Variants in SCFD2 observed in about 807,000 individuals in gnomAD.
SCFD2 encodes the protein sec1 family domain containing 2.
In SCFD2, 54 loss-of-function variants were observed where a neutral mutation model predicts 58.9. That is an observed-to-expected ratio of 0.92 (90% CI 0.74 to 1.15). The LOEUF (loss-of-function observed/expected upper bound fraction) is 1.15, where lower values mean the gene tolerates loss of function less well. Among genes scored for constraint, SCFD2 ranks in the 50% most tolerant of loss-of-function variants. SCFD2 has a pLI of 0.00. For synonymous variants in SCFD2, 321 were observed against 335.9 expected (o/e 0.96, Z 0.49); for missense variants, 805 against 836.6 (o/e 0.96, Z 0.47).
intron 8 of SCFD2, among the ~76,000 whole-genome samples, chr4:52,884,459 A>G (rs1174790606): frequency 6.6e-6 from 1 of 152,146 alleles, no homozygotes; most frequent in Admixed American, 6.5e-5. Context: ...CTCTGGCATG[A>G]CAATTCTGAG....
intron 8 of SCFD2, among the ~76,000 whole-genome samples, chr4:52,881,414 C>T (rs1718606139): frequency 6.6e-6 from 1 of 152,178 alleles, no homozygotes; most frequent in African/African-American, 2.4e-5. Flanking sequence ...GTCCACTTGT[C>T]ATGAGGTGGT....
At chr4:52,897,489 G>T (rs1450533444) in intron 7 of SCFD2, among the ~76,000 whole-genome samples, 1 of 152,210 alleles carries the variant, frequency 6.6e-6, no homozygotes, top group Admixed American at 6.5e-5. Flanking sequence ...AACCAGCCTT[G>T]CATCCCAGGG....
chr4:53,185,471 A>G (rs978417354), intron 4 of SCFD2, among the ~76,000 whole-genome samples: 2 of 152,066 alleles, frequency 1.3e-5, no homozygotes, highest in African/African-American at 4.8e-5. Context: ...TGCTCTTAAA[A>G]TTCTATTGTA....
intron 4 of SCFD2, among the ~76,000 whole-genome samples, chr4:53,201,210 T>G (rs1208915530): frequency 6.7e-6 from 1 of 150,372 alleles, no homozygotes; most frequent in Non-Finnish European, 1.5e-5. Flanking sequence ...GTGTGTGATG[T>G]TCCCCTTCCT....
chr4:53,176,600 C>T (rs146600796), intron 4 of SCFD2, among the ~76,000 whole-genome samples: 2 of 152,222 alleles, frequency 1.3e-5, no homozygotes, highest in South Asian at 2.1e-4. Flanking sequence ...AAAAAGCCTT[C>T]TAGACCACTG....
chr4:53,225,983 A>G (rs1729200485), intron 4 of SCFD2, among the ~76,000 whole-genome samples: 1 of 152,132 alleles, frequency 6.6e-6, no homozygotes, highest in Non-Finnish European at 1.5e-5. Context: ...ATTTAACAGT[A>G]TAGAAATTTG....
chr4:52,902,890 T>C (rs1193434450), intron 7 of SCFD2, among the ~76,000 whole-genome samples: 1 of 152,086 alleles, frequency 6.6e-6, no homozygotes, highest in Non-Finnish European at 1.5e-5. Context: ...ACAAACACAG[T>C]AGAATGAAGT....
intron 4 of SCFD2, among the ~76,000 whole-genome samples, chr4:53,217,253 G>T (rs1416451691): frequency 6.6e-6 from 1 of 152,102 alleles, no homozygotes; most frequent in Non-Finnish European, 1.5e-5. Context: ...GGGTGTTAAA[G>T]TCTCCCATTA....
intron 5 of SCFD2, among the ~76,000 whole-genome samples, chr4:52,942,917 T>C (rs1399195734): frequency 6.6e-6 from 1 of 151,190 alleles, no homozygotes; most frequent in Non-Finnish European, 1.5e-5. Flanking sequence ...GGATATGACC[T>C]ATATAAATCT....
intron 4 of SCFD2, among the ~76,000 whole-genome samples, chr4:53,193,005 A>G (rs1727958088): frequency 6.6e-6 from 1 of 152,182 alleles, no homozygotes; most frequent in South Asian, 2.1e-4. Flanking sequence ...TATACAAATT[A>G]AAAACAACCT....
At chr4:52,903,692 T>C (rs1719278151) in intron 7 of SCFD2, among the ~76,000 whole-genome samples, 1 of 152,208 alleles carries the variant, frequency 6.6e-6, no homozygotes, top group African/African-American at 2.4e-5. Context: ...AACATTTAAA[T>C]CATGCGTGTG....
intron 3 of SCFD2, among the ~76,000 whole-genome samples, chr4:53,301,613 C>G (rs1233739784): frequency 1.3e-5 from 2 of 152,180 alleles, no homozygotes; most frequent in Non-Finnish European, 2.9e-5. Context: ...AGGCCAGCAT[C>G]ATCCTAATAC....
intron 5 of SCFD2, among the ~76,000 whole-genome samples, chr4:52,983,069 T>C (rs561968505): frequency 9.9e-5 from 15 of 152,282 alleles, no homozygotes; most frequent in African/African-American, 3.4e-4. Flanking sequence ...TTGACAGTGT[T>C]ATGGTTCAAC....
chr4:53,247,827 G>C (rs1329851036), intron 4 of SCFD2, among the ~76,000 whole-genome samples: 1 of 113,142 alleles, frequency 8.8e-6, no homozygotes, highest in Non-Finnish European at 1.7e-5. Context: ...CGCCACTGCA[G>C]TCCGCAGTCC....
chr4:53,099,746 T>C (rs1311835705), intron 5 of SCFD2, among the ~76,000 whole-genome samples: 1 of 152,180 alleles, frequency 6.6e-6, no homozygotes, highest in African/African-American at 2.4e-5. Flanking sequence ...GTCTTATTCA[T>C]GAGGTATCTG....
At chr4:53,128,514 G>A (rs1725699022) in intron 5 of SCFD2, among the ~76,000 whole-genome samples, 1 of 152,052 alleles carries the variant, frequency 6.6e-6, no homozygotes, top group South Asian at 2.1e-4. Flanking sequence ...GCCTCCCAAG[G>A]TGACCAGTTA....
In SCFD2 at chr4:52,920,806, A is replaced by C; in HGVS notation, c.1626T>G (p.Thr542=). The change falls in exon 6 of 9, where the codon ACT becomes ACG. Residue 542 remains threonine, a synonymous_variant. Coordinates refer to ENST00000401642, the MANE Select transcript of SCFD2 (RefSeq NM_152540.4). ...KSKIAVDELF[T]SLRDIAGARS... The stretch of plus-strand genomic sequence containing the variant: ...GAGCTCCAGCAATATCCCGAAGTGA[A>C]GTAAAGAGTTCATCCACGGCAATTT... 6.2e-7 allele frequency: 1 copy of C among 1,611,316 alleles called. No individual in the cohort carries two copies. Among genetic ancestry groups the C allele is most frequent in the East Asian group, 2.2e-5 (1 of 44,788 alleles).
intron 8 of SCFD2, among the ~76,000 whole-genome samples, 188 bp from the exon 9 acceptor site, chr4:52,874,249 G>T (rs909954285): frequency 6.6e-6 from 1 of 152,166 alleles, no homozygotes; most frequent in Non-Finnish European, 1.5e-5. Context: ...GAAGGAGGGG[G>T]GCACAGTCTG....
intron 4 of SCFD2, among the ~76,000 whole-genome samples, chr4:53,160,110 A>C (rs1205572140): frequency 1.3e-5 from 2 of 152,226 alleles, no homozygotes; most frequent in Non-Finnish European, 2.9e-5. Context: ...AGATAGATTT[A>C]GTTCCTTTAG....
Sources: allele counts gnomAD v4.1 joint callset (sites outside exome capture counted in the v4.1 genomes callset), GRCh38; gene constraint gnomAD v4.1.1; transcripts MANE v1.5; gene names NCBI Gene and HGNC (gene_info 2026-07-23, HGNC 2026-07-21).